The following LRP1B variants were observed in gnomAD, a reference collection of about 807,000 sequenced individuals.
The protein encoded by LRP1B is low-density lipoprotein receptor-related protein 1B.
Under a neutral mutation model 556.6 loss-of-function variants are expected in LRP1B, and 217 were observed. The observed-to-expected ratio is 0.39, with a 90% CI of 0.35 to 0.44. The LOEUF (loss-of-function observed/expected upper bound fraction) is 0.44. LRP1B is among the 20% of genes least tolerant of loss of function. The probability of loss-of-function intolerance (pLI) is 1.00; values close to 1 mark genes in which losing one functional copy is unlikely to be tolerated. For synonymous variants in LRP1B, 2,047 were observed against 1,865.8 expected, an observed-to-expected ratio of 1.10 and a Z score of -2.50; for missense variants, 5,053 against 5,620.8, an observed-to-expected ratio of 0.90 and a Z score of 3.23.
In LRP1B at chr2:141,509,645, A is replaced by C. The variant is rs140943223; in HGVS notation, c.206-29112T>G. 3.3e-3 allele frequency among the ~76,000 whole-genome samples: 504 copies of C among 152,308 alleles called. 5 individuals are homozygous for C. The highest frequency in any genetic ancestry group is 0.012 in the African/African-American group (493 of 41,586). On this transcript the variant is annotated intron_variant, in intron 2 of 90. Coordinates refer to ENST00000389484, the MANE Select transcript of LRP1B (RefSeq NM_018557.3). ...TTAAAAGTGAGAAAGCACCATCAAA[A>C]TGTTGAAACAACTGGACATTTAATT...
intron 41 of LRP1B, among the ~76,000 whole-genome samples, chr2:140,602,868 A>G (rs1682727314): frequency 1.3e-5 from 2 of 152,016 alleles, no homozygotes; most frequent in Admixed American, 6.6e-5. Flanking sequence ...TATTTTATAC[A>G]TAAAATAAAA....
At chr2:141,372,348 T>C (rs1477747048) in intron 3 of LRP1B, among the ~76,000 whole-genome samples, 1 of 152,144 alleles carries the variant, frequency 6.6e-6, no homozygotes, top group Non-Finnish European at 1.5e-5. Flanking sequence ...GATTTTCTTA[T>C]TTTGTTATAT....
intron 86 of LRP1B, among the ~76,000 whole-genome samples, chr2:140,254,157 G>A (rs1181937686): frequency 6.6e-6 from 1 of 152,102 alleles, no homozygotes. Flanking sequence ...TAAAGGCGAT[G>A]TCTGGCATAT....
intron 1 of LRP1B, among the ~76,000 whole-genome samples, chr2:141,958,387 C>A (rs779517345): frequency 1.3e-5 from 2 of 151,906 alleles, no homozygotes; most frequent in Non-Finnish European, 2.9e-5. Context: ...TTGCAGTAAG[C>A]CTTGTGGAGA....
chr2:141,503,156 T>C (rs970220902), intron 2 of LRP1B, among the ~76,000 whole-genome samples: 18 of 148,216 alleles, frequency 1.2e-4, no homozygotes, highest in African/African-American at 4.4e-4. Context: ...TATAATTATA[T>C]ATGAGTAATA....
intron 20 of LRP1B, among the ~76,000 whole-genome samples, chr2:140,937,734 T>C (rs1450637568): frequency 6.6e-6 from 1 of 152,080 alleles, no homozygotes; most frequent in Non-Finnish European, 1.5e-5. Context: ...AGGATTCAAG[T>C]ATGCTGCTAA....
At chr2:141,902,366 G>A (rs1699643460) in intron 1 of LRP1B, among the ~76,000 whole-genome samples, 1 of 151,760 alleles carries the variant, frequency 6.6e-6, no homozygotes, top group Admixed American at 6.6e-5. Flanking sequence ...GTATATAAGT[G>A]GTTAGAAAAA....
intron 32 of LRP1B, among the ~76,000 whole-genome samples, chr2:140,780,051 A>G (rs1199001448): frequency 6.6e-6 from 1 of 152,114 alleles, no homozygotes; most frequent in Admixed American, 6.5e-5. Context: ...GAAAGAAAAA[A>G]AGGAAGGAAG....
chr2:140,243,670 G>A (rs1160170397), intron 87 of LRP1B, among the ~76,000 whole-genome samples: 1 of 151,104 alleles, frequency 6.6e-6, no homozygotes, highest in Non-Finnish European at 1.5e-5. Context: ...CCTTCCAGTG[G>A]TCTTCAAGAG....
chr2:142,018,635 G>A (rs1423774296), intron 1 of LRP1B, among the ~76,000 whole-genome samples: 2 of 151,864 alleles, frequency 1.3e-5, no homozygotes, highest in Admixed American at 1.3e-4. Flanking sequence ...ACATAATCCT[G>A]ACATAAAAAA....
chr2:141,710,871 C>T (rs932829354), intron 2 of LRP1B, among the ~76,000 whole-genome samples: 2 of 152,178 alleles, frequency 1.3e-5, no homozygotes, highest in Non-Finnish European at 2.9e-5. Context: ...TTAATGATCA[C>T]TGTCACTTGT....
intron 59 of LRP1B, among the ~76,000 whole-genome samples, chr2:140,482,439 T>C (rs1167069666): frequency 1.3e-5 from 2 of 152,158 alleles, no homozygotes; most frequent in African/African-American, 4.8e-5. Flanking sequence ...TTTAAAATGC[T>C]TATACATATC....
chr2:141,317,448 C>T, intron 3 of LRP1B, among the ~76,000 whole-genome samples: 1 of 152,010 alleles, frequency 6.6e-6, no homozygotes, highest in Non-Finnish European at 1.5e-5. Context: ...AGGATATCAG[C>T]CATATTGAAT....
chr2:141,296,856 C>T (rs1279034463), intron 3 of LRP1B, among the ~76,000 whole-genome samples: 1 of 152,112 alleles, frequency 6.6e-6, no homozygotes, highest in Non-Finnish European at 1.5e-5. Flanking sequence ...CCTTACTCTC[C>T]TCCCTCTCTC....
rs200557177 is a variant in LRP1B at position 141,053,826 on chromosome 2, A to ATGTG, written c.1552+1289_1552+1290insCACA. 5.8e-4 allele frequency among the ~76,000 whole-genome samples: 36 copies of ATGTG among 62,568 alleles called. 1 individual carries two copies. Among genetic ancestry groups the ATGTG allele is most frequent in the East Asian group, 2.0e-3 (4 of 1,974 alleles). 41.0% of individuals were successfully genotyped at this position (62,568 alleles called of 152,430 possible). On this transcript the variant is annotated intron_variant, in intron 10 of 90. Transcript: ENST00000389484. Reference sequence around the variant, plus strand: ...TGTATGCACATATGCATGTGTGTATATATGTGTGTGTGTGTGTGTGTGATT... The same window carrying ATGTG: ...TGTATGCACATATGCATGTGTGTATATGTGTATGTGTGTGTGTGTGTGTGTGATT...
chr2:140,838,017 CCT>C (rs1173346790), intron 31 of LRP1B, among the ~76,000 whole-genome samples: 2 of 151,704 alleles, frequency 1.3e-5, no homozygotes, highest in Non-Finnish European at 2.9e-5. Flanking sequence ...AACATGAGTA[CCT>C]CTCTTATAAA....
At chr2:141,041,485 TC>T (rs1254213753) in intron 11 of LRP1B, among the ~76,000 whole-genome samples, 2 of 152,026 alleles carry the variant, frequency 1.3e-5, no homozygotes, top group Non-Finnish European at 2.9e-5. Context: ...TATTATGCCA[TC>T]CTCTTGCTTC....
intron 7 of LRP1B, among the ~76,000 whole-genome samples, chr2:141,103,091 A>G (rs1026436032): frequency 2.6e-5 from 4 of 152,000 alleles, no homozygotes; most frequent in African/African-American, 9.7e-5. Flanking sequence ...TTTATGATCT[A>G]TGCTGAAGTA....
chr2:140,290,781 C>T (rs1192097854), intron 84 of LRP1B, among the ~76,000 whole-genome samples: 1 of 151,970 alleles, frequency 6.6e-6, no homozygotes, highest in Non-Finnish European at 1.5e-5. Flanking sequence ...AGCCAGTATG[C>T]CATTTGAGCT....
Sources: gnomAD v4.1 joint callset for allele counts (sites outside exome capture counted in the v4.1 genomes callset) on GRCh38, gnomAD v4.1.1 for gene constraint, MANE v1.5 for transcripts, NCBI Gene and HGNC (gene_info 2026-07-23, HGNC 2026-07-21) for gene names.